Variants in C10orf90 observed in about 807,000 individuals in gnomAD.
C10orf90 encodes (E2-independent) E3 ubiquitin-conjugating enzyme FATS.
In C10orf90, 56 loss-of-function variants were observed where a neutral mutation model predicts 62.5. The observed-to-expected ratio is 0.90, with a 90% CI of 0.72 to 1.12. The LOEUF (loss-of-function observed/expected upper bound fraction) is 1.12, where lower values mean the gene tolerates loss of function less well. Among genes scored for constraint, C10orf90 ranks in the 50% most tolerant of loss-of-function variants. The probability of loss-of-function intolerance (pLI) is 0.00; values close to 1 mark genes in which losing one functional copy is unlikely to be tolerated. For missense variants in C10orf90, 970 were observed against 880.4 expected (o/e 1.10, Z -1.29); for synonymous variants, 386 against 340.4 (o/e 1.13, Z -1.47).
chr10:126,541,519 A>G (rs1432511302), intron 2 of C10orf90, among the ~76,000 whole-genome samples: 1 of 152,194 alleles, frequency 6.6e-6, no homozygotes, highest in Non-Finnish European at 1.5e-5. Context: ...CAAGCAATCC[A>G]ATTTAAATAT....
At chr10:126,464,650 C>G (rs11244990) in intron 5 of C10orf90, 46 bp downstream of exon 5, 1 of 1,555,078 alleles carries the variant, frequency 6.4e-7, no homozygotes, top group South Asian at 1.2e-5. Flanking sequence ...AAATTTTTAT[C>G]GAATGTCAAG....
chr10:126,464,648 A>G (rs1860175407), intron 5 of C10orf90, 48 bp downstream of exon 5: 1 of 1,552,790 alleles, frequency 6.4e-7, no homozygotes, highest in African/African-American at 1.4e-5. Flanking sequence ...ACAAATTTTT[A>G]TCGAATGTCA....
chr10:126,534,126 G>A (rs1864172747), intron 2 of C10orf90, among the ~76,000 whole-genome samples: 1 of 152,202 alleles, frequency 6.6e-6, no homozygotes, highest in Non-Finnish European at 1.5e-5. Context: ...TTCAGGCTGA[G>A]GATTTCATCT....
intron 1 of C10orf90, among the ~76,000 whole-genome samples, chr10:126,656,706 G>A (rs1846402065): frequency 6.6e-6 from 1 of 152,188 alleles, no homozygotes; most frequent in African/African-American, 2.4e-5. Context: ...TGCGTTGAGT[G>A]CAAAGGGCAC....
rs1195360598 is a variant in C10orf90 at position 126,655,834 on chromosome 10, C to CAAAAAAA, written c.241-9198_241-9197insTTTTTTT. On this transcript the variant is annotated intron_variant, in intron 1 of 9. Coordinates refer to ENST00000488181, the MANE Select transcript of C10orf90 (RefSeq NM_001350921.2). Reference sequence around the variant, plus strand: ...TCAAAGCAACAGAGACAAAACAAAACAAAACAAAAAAAAAAAAGAAGAAGA... The same window carrying CAAAAAAA: ...TCAAAGCAACAGAGACAAAACAAAACAAAAAAAAAAACAAAAAAAAAAAAGAAGAAGA... 1.8e-3 allele frequency among the ~76,000 whole-genome samples: 233 copies of CAAAAAAA among 126,338 alleles called. 2 individuals carry two copies. Among genetic ancestry groups the CAAAAAAA allele is most frequent in the African/African-American group, 2.4e-3 (88 of 36,336 alleles). The allele number at this position is 126,338 out of a possible 152,430, so 82.9% of individuals were successfully genotyped here.
At chr10:126,447,291 A>T (rs936864686) in intron 7 of C10orf90, among the ~76,000 whole-genome samples, 1 of 152,144 alleles carries the variant, frequency 6.6e-6, no homozygotes, top group South Asian at 2.1e-4. Context: ...CCTACAGGAG[A>T]CTCACTTTAG....
At chr10:126,495,670 G>A (rs1233504825) in intron 4 of C10orf90, among the ~76,000 whole-genome samples, 1 of 152,160 alleles carries the variant, frequency 6.6e-6, no homozygotes, top group Non-Finnish European at 1.5e-5. Context: ...AGAAAGATAT[G>A]GACTTTGCTT....
At chr10:126,595,475 A>C (rs1845065164) in intron 2 of C10orf90, among the ~76,000 whole-genome samples, 1 of 152,200 alleles carries the variant, frequency 6.6e-6, no homozygotes, top group African/African-American at 2.4e-5. Context: ...CTCATTTTCA[A>C]TGTTTAAAAT....
At chr10:126,582,943 C>T (rs1262324497) in intron 2 of C10orf90, among the ~76,000 whole-genome samples, 1 of 152,206 alleles carries the variant, frequency 6.6e-6, no homozygotes, top group Non-Finnish European at 1.5e-5. Flanking sequence ...AGTCATTCTG[C>T]AGGAGCATTT....
chr10:126,523,226 T>C (rs1863824524), intron 2 of C10orf90, among the ~76,000 whole-genome samples: 1 of 152,186 alleles, frequency 6.6e-6, no homozygotes, highest in African/African-American at 2.4e-5. Context: ...AGCTTTGCTT[T>C]CCCTGTGGCT....
intron 1 of C10orf90, among the ~76,000 whole-genome samples, chr10:126,667,315 C>T (rs1846651162): frequency 6.6e-6 from 1 of 152,058 alleles, no homozygotes; most frequent in South Asian, 2.1e-4. Context: ...ACCTCAGCCT[C>T]CCAAAGTGCT....
chr10:126,553,786 A>AAACGAC (rs1208890925), intron 2 of C10orf90, among the ~76,000 whole-genome samples: 1 of 152,222 alleles, frequency 6.6e-6, no homozygotes, highest in African/African-American at 2.4e-5. Context: ...CGTTTCTCAG[A>AAACGAC]ACCTATCTCC....
At chr10:126,515,629 C>G (rs1298470325) in intron 2 of C10orf90, among the ~76,000 whole-genome samples, 1 of 152,206 alleles carries the variant, frequency 6.6e-6, no homozygotes, top group Non-Finnish European at 1.5e-5. Context: ...CAACAAAATC[C>G]TCCAACCACA....
At chr10:126,487,696 CA>C (rs1290691167) in intron 4 of C10orf90, among the ~76,000 whole-genome samples, 2 of 152,080 alleles carry the variant, frequency 1.3e-5, no homozygotes, top group African/African-American at 2.4e-5. Context: ...CCAAAAGGAA[CA>C]TGTAAAATAT....
At chr10:126,522,826 G>A (rs144668485) in intron 2 of C10orf90, 5 of 152,274 alleles carry the variant, frequency 3.3e-5, no homozygotes, top group East Asian at 1.9e-4. Flanking sequence ...GAGTTTTGAC[G>A]CCTGGTCCAG....
At chr10:126,660,413 C>T (rs1394680018) in intron 1 of C10orf90, among the ~76,000 whole-genome samples, 3 of 152,190 alleles carry the variant, frequency 2.0e-5, no homozygotes, top group African/African-American at 7.2e-5. Context: ...AAGCAAACAA[C>T]GTATTGTGAG....
At chr10:126,598,603 A>G (rs1278369431) in intron 2 of C10orf90, among the ~76,000 whole-genome samples, 1 of 152,212 alleles carries the variant, frequency 6.6e-6, no homozygotes, top group East Asian at 1.9e-4. Context: ...GTCTTCCTCT[A>G]TCAGATCTGT....
At chr10:126,631,030 G>A (rs1220761982) in intron 2 of C10orf90, among the ~76,000 whole-genome samples, 1 of 152,176 alleles carries the variant, frequency 6.6e-6, no homozygotes, top group East Asian at 1.9e-4. Context: ...TCTAGAAGGG[G>A]CCACAGCAGT....
At chr10:126,478,093 G>T (rs192007659) in intron 4 of C10orf90, among the ~76,000 whole-genome samples, 1 of 152,278 alleles carries the variant, frequency 6.6e-6, no homozygotes, top group Admixed American at 6.5e-5. Context: ...CAGGCCCTTG[G>T]AATAACCTGG....
Sources: gnomAD v4.1 joint callset for allele counts (sites outside exome capture counted in the v4.1 genomes callset) on GRCh38, gnomAD v4.1.1 for gene constraint, MANE v1.5 for transcripts, NCBI Gene and HGNC (gene_info 2026-07-23, HGNC 2026-07-21) for gene names.